DHH: variants seen among roughly 807,000 people sequenced by gnomAD.
DHH encodes desert hedgehog protein.
A neutral mutation model predicts 27.6 loss-of-function variants in DHH; 16 were observed. That is an observed-to-expected ratio of 0.58 (90% CI 0.39 to 0.88). DHH has a LOEUF of 0.88. DHH is among the 40% of genes least tolerant of loss of function. The pLI is 0.00. For synonymous variants in DHH, 289 were observed against 263.4 expected (o/e 1.10, Z -0.94); for missense variants, 436 against 563.1 (o/e 0.77, Z 2.28).
At position 49,090,015 on chromosome 12, in the gene DHH, C is replaced by G. The variant is rs1939266751; in HGVS notation, c.1035G>C (p.Ala345=). The G allele has an allele frequency of 2.6e-6, 4 of 1,559,504 alleles. No homozygotes were observed. The highest frequency in any genetic ancestry group is 3.5e-6 in the Non-Finnish European group (4 of 1,153,344). ...LVNDVLASCY[A]VLESHQWAHR... ...GCGCCCACTGGTGACTCTCCAGAACCGCGTAGCAAGAGGCCAGGACATCGT... is the reference window on the plus strand; with the variant it reads ...GCGCCCACTGGTGACTCTCCAGAACGGCGTAGCAAGAGGCCAGGACATCGT... Residue 345 remains alanine, a synonymous_variant, in exon 3 of 3, where the codon GCG becomes GCC. Transcript: ENST00000649637. The surrounding 1 kb of genome is among the most constrained non-coding windows in gnomAD (Gnocchi z 5.2).
chr12:49,094,219 C>T lies in DHH; in HGVS notation c.294G>A (p.Leu98=). 1 of 1,613,512 alleles carries T rather than the reference C, an allele frequency of 6.2e-7. No homozygotes were observed. The highest frequency in any genetic ancestry group is 1.7e-5 in the Admixed American group (1 of 60,024). The change falls in exon 1 of 3, where the codon CTG becomes CTA. Residue 98 remains leucine, a synonymous_variant. Transcript: ENST00000649637. ...GAGAGGCCCTCCTTACCTCGGTCAT[C>T]AGGCGGTCGGCTCCACTGTTCTCCT... The part of the protein sequence containing the change: ...KDEENSGADR[L]MTERCKERVN...
Position 49,094,437 on chromosome 12 carries a change from C to T in DHH, c.76G>A (p.Gly26Ser). ...LALPAQSCGP[G>S]RGPVGRRRYA... is the part of the protein sequence containing the mutation. Reference sequence around the variant, plus strand: ...CGGCGCCGGCCAACCGGCCCCCGGCCCGGCCCGCAGCTCTGGGCTGGCAGC... The same window carrying T: ...CGGCGCCGGCCAACCGGCCCCCGGCTCGGCCCGCAGCTCTGGGCTGGCAGC... The change falls in exon 1 of 3, where the codon GGC (glycine) becomes AGC (serine). Residue 26 changes from glycine (G) to serine (S), a missense_variant. Physicochemically the swap from Gly to Ser is moderately conservative, Grantham distance 56. Coordinates refer to ENST00000649637, the MANE Select transcript of DHH (RefSeq NM_021044.4). 1 of 1,603,440 alleles carries T rather than the reference C, an allele frequency of 6.2e-7. No individual in the cohort carries two copies. The highest frequency in any genetic ancestry group is 1.7e-5 in the Admixed American group (1 of 58,398).
In DHH at chr12:49,088,464, G is replaced by T. The variant is rs545581598; in HGVS notation, c.*1395C>A. Among the ~76,000 whole-genome samples the T allele has an allele frequency of 4.6e-5, 7 of 152,306 alleles. No individual in the cohort carries two copies. Among genetic ancestry groups the T allele is most frequent in the African/African-American group, 1.4e-4 (6 of 41,558 alleles). On this transcript the variant is annotated 3_prime_UTR_variant, in exon 3 of 3. Transcript: ENST00000649637. ...GCGGTGTATAGCAGGGACCCTGTGC[G>T]ATGGGAGCGCACAGCGGCTACTGGC...
In DHH at chr12:49,094,213, G is replaced by C. The variant is rs145131024; in HGVS notation, c.300C>G (p.Thr100=). 1.9e-5 allele frequency: 31 copies of C among 1,613,330 alleles called. No homozygotes were observed. The highest frequency in any genetic ancestry group is 2.6e-5 in the Non-Finnish European group (31 of 1,180,000). ...GGTAGGGAGAGGCCCTCCTTACCTC[G>C]GTCATCAGGCGGTCGGCTCCACTGT... ...EENSGADRLM[T]ERCKERVNAL... Residue 100 remains threonine (T), a synonymous_variant, in exon 1 of 3, where the codon ACC becomes ACG. Transcript: ENST00000649637.
In DHH at chr12:49,091,386, A is replaced by C. The variant is rs200606956; in HGVS notation, c.307T>G (p.Cys103Gly). ...SGADRLMTER[C>G]KERVNALAIA... is the part of the protein sequence containing the mutation. ...GCCAAAGCGTTCACCCGCTCCTTAC[A>C]ACGCTGGCGGGGAATAAAGGAGTCA... Residue 103 changes from cysteine (C) to glycine (G), a missense_variant, in exon 2 of 3, where the codon TGT becomes GGT. Physicochemically the swap from Cys to Gly is radical, Grantham distance 159 (BLOSUM62 -3). Transcript: ENST00000649637. The surrounding 1 kb of genome is among the most constrained non-coding windows in gnomAD (Gnocchi z 4.8). 3 of 1,614,022 alleles carry C rather than the reference A, an allele frequency of 1.9e-6. No homozygotes were observed. Among genetic ancestry groups the C allele is most frequent in the Non-Finnish European group, 2.5e-6 (3 of 1,179,996 alleles).
Position 49,094,454 on chromosome 12 carries a change from G to C in DHH, c.59C>G (p.Ala20Gly), listed in dbSNP as rs1349708964. ...CCCCCGGCCCGGCCCGCAGCTCTGG[G>C]CTGGCAGCGCCAGAAGTGCCAAGCA... ...LCCLALLALP[A>G]QSCGPGRGPV... The change falls in exon 1 of 3, where the codon GCC becomes GGC. Residue 20 changes from alanine (A) to glycine (G), a missense_variant. Transcript: ENST00000649637. 2.5e-6 allele frequency: 4 copies of C among 1,592,504 alleles called. No homozygotes were observed. The East Asian group carries it at 6.9e-5, about 27-fold the overall frequency.
rs759282814 is a variant in DHH at position 49,090,419 on chromosome 12, C to G, written c.631G>C (p.Gly211Arg). ...PGNATVRLWS[G>R]ERKGLRELHR... ...AGTTCCCGCAGCCCTTTCCGCTCGCCGCTCCACAGGCGCACAGTTGCATTT... is the reference window on the plus strand; with the variant it reads ...AGTTCCCGCAGCCCTTTCCGCTCGCGGCTCCACAGGCGCACAGTTGCATTT... The change falls in exon 3 of 3, where the codon GGC becomes CGC. Residue 211 changes from glycine to arginine, a missense_variant. Coordinates refer to ENST00000649637, the MANE Select transcript of DHH (RefSeq NM_021044.4). The surrounding 1 kb of genome is among the most constrained non-coding windows in gnomAD (Gnocchi z 5.2). The G allele has an allele frequency of 6.2e-7, 1 of 1,609,536 alleles. No homozygotes were observed. Among genetic ancestry groups the G allele is most frequent in the Non-Finnish European group, 8.5e-7 (1 of 1,179,274 alleles).
At position 49,091,627 on chromosome 12, in the gene DHH, C is replaced by T. The variant is rs1460231399; in HGVS notation, c.304-238G>A. 1.3e-5 allele frequency among the ~76,000 whole-genome samples: 2 copies of T among 152,182 alleles called. No homozygotes were observed. Among genetic ancestry groups the T allele is most frequent in the Admixed American group, 6.5e-5 (1 of 15,280 alleles). On this transcript the variant is annotated intron_variant, in intron 1 of 2. Transcript: ENST00000649637. The surrounding 1 kb of genome is among the most constrained non-coding windows in gnomAD (Gnocchi z 4.8). The stretch of plus-strand genomic sequence containing the variant: ...GTTGAGAGGGGGTGCCCATACCTAG[C>T]TCCTTCCCCATTTTTAATGCCCGTC...
chr12:49,094,014 G>C (rs1394971172), intron 1 of DHH, among the ~76,000 whole-genome samples, 196 bp downstream of exon 1: 1 of 152,050 alleles, frequency 6.6e-6, no homozygotes, highest in Non-Finnish European at 1.5e-5. Flanking sequence ...CCCCATCCCA[G>C]ACTATTCTAG....
rs1446202530 is a variant in DHH, at chr12:49,089,670, A to G, written c.*189T>C. On this transcript the variant is annotated 3_prime_UTR_variant, in exon 3 of 3. Transcript: ENST00000649637. Reference sequence around the variant, plus strand: ...TTAAGGAGTGCGCACCATCAGCCCTACCTACCTAGGACCCGGTATCACCTC... The same window carrying G: ...TTAAGGAGTGCGCACCATCAGCCCTGCCTACCTAGGACCCGGTATCACCTC... 6.3e-6 allele frequency: 4 copies of G among 632,604 alleles called. No homozygotes were observed. The highest frequency in any genetic ancestry group is 2.5e-6 in the Non-Finnish European group (1 of 404,756). The allele number at this position is 632,604 out of a possible 1,614,324, so 39.2% of individuals were successfully genotyped here.
In DHH at chr12:49,091,149, C is replaced by T; in HGVS notation, c.544G>A (p.Val182Ile). Reference protein sequence around the residue: ...DWVYYESRNHVHVSVKADNSL... With the variant: ...DWVYYESRNHIHVSVKADNSL... ...GTACCAGCTTTGACCGACACGTGGACGTGGTTGCGGGACTCGTAGTAGACC... is the reference window on the plus strand; with the variant it reads ...GTACCAGCTTTGACCGACACGTGGATGTGGTTGCGGGACTCGTAGTAGACC... Residue 182 changes from valine to isoleucine, a missense_variant, in exon 2 of 3, where the codon GTC becomes ATC. By Grantham distance (29) the Val-to-Ile change is conservative (BLOSUM62 3). Coordinates refer to ENST00000649637, the MANE Select transcript of DHH (RefSeq NM_021044.4). This position sits in a 1 kb window ranked among gnomAD's most constrained non-coding sequence, Gnocchi z 4.8. 2 of 1,614,250 alleles carry T rather than the reference C, an allele frequency of 1.2e-6. No homozygotes were observed. Among genetic ancestry groups the T allele is most frequent in the Non-Finnish European group, 8.5e-7 (1 of 1,180,052 alleles).
Position 49,094,484 on chromosome 12 carries a change from AG to A in DHH, c.28del (p.Leu10CysfsTer89). The A allele has an allele frequency of 6.4e-7, 1 of 1,567,612 alleles. No homozygotes were observed. The highest frequency in any genetic ancestry group is 8.6e-7 in the Non-Finnish European group (1 of 1,156,604). On this transcript the variant is annotated frameshift_variant, in exon 1 of 3. Transcript: ENST00000649637. LOFTEE classifies it high-confidence loss of function. MALLTNLLP[L>X]CCLALLALPA... ...CAGCGCCAGAAGTGCCAAGCAGCAC[AG>A]GGGCAGTAGATTGGTCAGGAGAGCC... is the stretch of plus-strand genomic sequence containing the variant.
At position 49,090,517 on chromosome 12, in the gene DHH, A is replaced by T. The variant is rs1276975677; in HGVS notation, c.566-33T>A. On this transcript the variant is annotated intron_variant, in intron 2 of 2. Coordinates refer to ENST00000649637, the MANE Select transcript of DHH (RefSeq NM_021044.4). The surrounding 1 kb of genome is among the most constrained non-coding windows in gnomAD (Gnocchi z 5.2). ...GAACAACCACAGGGAGGATTGAATC[A>T]AGACCAGCGGTTCCAGAACGATTCT... is the stretch of plus-strand genomic sequence containing the variant. 3 of 1,594,290 alleles carry T rather than the reference A, an allele frequency of 1.9e-6. No individual in the cohort carries two copies. The highest frequency in any genetic ancestry group is 2.5e-6 in the Non-Finnish European group (3 of 1,178,602).
chr12:49,091,881 T>C lies in DHH; in HGVS notation c.304-492A>G, dbSNP rs1939310935. Among the ~76,000 whole-genome samples, 1 of 152,036 alleles carries C rather than the reference T, an allele frequency of 6.6e-6. No individual in the cohort carries two copies. On this transcript the variant is annotated intron_variant, in intron 1 of 2. Transcript: ENST00000649637. This position sits in a 1 kb window ranked among gnomAD's most constrained non-coding sequence, Gnocchi z 4.8. ...TCCTTCCTTCCTTCCTCCTCCTCCT[T>C]TGGGCCCTTAGCATTAACCCCTTCG...
rs1047580398 is a variant in DHH, at chr12:49,087,298, G to A, written c.*2561C>T. Among the ~76,000 whole-genome samples, 2 of 152,098 alleles carry A rather than the reference G, an allele frequency of 1.3e-5. No individual in the cohort carries two copies. The highest frequency in any genetic ancestry group is 4.8e-5 in the African/African-American group (2 of 41,376). The stretch of plus-strand genomic sequence containing the variant: ...CCTCAAGCCTAGAAAGTTACTTACA[G>A]GATGTAGTTTAAGGGAAACCAATGA... On this transcript the variant is annotated 3_prime_UTR_variant, in exon 3 of 3. Coordinates refer to ENST00000649637, the MANE Select transcript of DHH (RefSeq NM_021044.4).
In DHH at chr12:49,094,585, C is replaced by A. The variant is rs1939369691; in HGVS notation, c.-73G>T. 2.0e-6 allele frequency: 3 copies of A among 1,506,100 alleles called. No homozygotes were observed. The highest frequency in any genetic ancestry group is 1.2e-5 in the South Asian group (1 of 83,036). The allele number at this position is 1,506,100 out of a possible 1,614,324, so 93.3% of individuals were successfully genotyped here. On this transcript the variant is annotated 5_prime_UTR_variant, in exon 1 of 3. Transcript: ENST00000649637. ...CTCTCCTGTCAGTTAGGCATCTCCA[C>A]AGGCACCAGAGAGGGCAGCAGGCAC... is the stretch of plus-strand genomic sequence containing the variant.
At chr12:49,094,783 AGGACTCTGGTGCTGCCAGAACGCCC>A (rs1290395736) in exon 1 of DHH, 1 of 569,686 alleles carries the variant, frequency 1.8e-6, no homozygotes, top group African/African-American at 1.9e-5. Flanking sequence ...TCTCTGCTGC[AGGACTCTGGTGCTGCCAGAACGCCC>A]GGACTCCGGA....
rs199575449 is a variant in DHH, at chr12:49,090,469, A to C, written c.581T>G (p.Val194Gly). The change falls in exon 3 of 3, where the codon GTC becomes GGC. Residue 194 changes from valine to glycine, a missense_variant. Coordinates refer to ENST00000649637, the MANE Select transcript of DHH (RefSeq NM_021044.4). The surrounding 1 kb of genome is among the most constrained non-coding windows in gnomAD (Gnocchi z 5.2). ...VSVKADNSLA[V>G]RAGGCFPGNA... ...TCCCGGAAAGCAGCCGCCCGCCCGG[A>C]CCGCCAGTGAGTTATCTGCAGGGAA... 1.2e-6 allele frequency: 2 copies of C among 1,602,314 alleles called. No individual in the cohort carries two copies. The highest frequency in any genetic ancestry group is 2.2e-5 in the East Asian group (1 of 44,854).
rs757466764 is a variant in DHH at position 49,091,358 on chromosome 12, A to G, written c.335T>C (p.Ile112Thr). 6.2e-7 allele frequency: 1 copy of G among 1,614,210 alleles called. No homozygotes were observed. The highest frequency in any genetic ancestry group is 1.1e-5 in the South Asian group (1 of 91,088). Reference sequence around the variant, plus strand: ...TCCGGGCCACATGTTCATCACGGCAATGGCCAAAGCGTTCACCCGCTCCTT... The same window carrying G: ...TCCGGGCCACATGTTCATCACGGCAGTGGCCAAAGCGTTCACCCGCTCCTT... ...RCKERVNALA[I>T]AVMNMWPGVR... The change falls in exon 2 of 3, where the codon ATT becomes ACT. Residue 112 changes from isoleucine to threonine, a missense_variant. Transcript: ENST00000649637. This position sits in a 1 kb window ranked among gnomAD's most constrained non-coding sequence, Gnocchi z 4.8.
Sources: allele counts gnomAD v4.1 joint callset (sites outside exome capture counted in the v4.1 genomes callset), GRCh38; gene constraint gnomAD v4.1.1; non-coding constraint Gnocchi (gnomAD v3.1); transcripts MANE v1.5; gene names NCBI Gene and HGNC (gene_info 2026-07-23, HGNC 2026-07-21).